The following CNTNAP2 variants were observed in gnomAD, a reference collection of about 807,000 sequenced individuals.
CNTNAP2 encodes contactin associated protein 2, also known as contactin-associated protein-like 2.
CNTNAP2 carries 98 observed loss-of-function variants against 155.2 expected under a neutral mutation model. The observed-to-expected ratio is 0.63, with a 90% confidence interval of 0.54 to 0.75. The LOEUF is 0.75. CNTNAP2 is among the 30% of genes least tolerant of loss of function. CNTNAP2 has a pLI of 0.00. For missense variants in CNTNAP2, 1,727 were observed against 1,688.1 expected (o/e 1.02, Z -0.40); for synonymous variants, 651 against 631.2 (o/e 1.03, Z -0.47).
intron 13 of CNTNAP2, among the ~76,000 whole-genome samples, chr7:147,876,040 C>T (rs56268129): frequency 6.6e-6 from 1 of 152,086 alleles, no homozygotes; most frequent in South Asian, 2.1e-4. Context: ...AAAATTATTC[C>T]ATTTATTTTA....
intron 19 of CNTNAP2, among the ~76,000 whole-genome samples, chr7:148,228,901 T>C (rs1795909307): frequency 6.6e-6 from 1 of 152,058 alleles, no homozygotes; most frequent in Non-Finnish European, 1.5e-5. Flanking sequence ...AATGTCACAC[T>C]TTGCTGACGG....
At chr7:147,336,153 A>G (rs181101505) in intron 9 of CNTNAP2, among the ~76,000 whole-genome samples, 2 of 152,312 alleles carry the variant, frequency 1.3e-5, no homozygotes, top group Admixed American at 1.3e-4. Context: ...CATATTTCAG[A>G]AGACAGATAT....
chr7:146,377,893 G>T lies in CNTNAP2; in HGVS notation c.97+260920G>T, dbSNP rs546052504. On this transcript the variant is annotated intron_variant, in intron 1 of 23. Transcript: ENST00000361727. ...CAAATTCTGATTCAATAGGCCCAAC[G>T]TGGGGCCTGAGATGCTGCACTTCAA... Among the ~76,000 whole-genome samples, 554 of 152,270 alleles carry T rather than the reference G, an allele frequency of 3.6e-3. 4 individuals are homozygous for T. Among genetic ancestry groups the T allele is most frequent in the Non-Finnish European group, 5.9e-3 (403 of 68,028 alleles).
chr7:147,132,512 C>T lies in CNTNAP2; in HGVS notation c.1348+3C>T. On this transcript the variant is annotated splice_donor_region_variant and intron_variant, in intron 8 of 23. Transcript: ENST00000361727. ...GAGCCAAATCGATATTTCCTCAGGT[C>T]AGTGAAACCTATTTGACATTTGTTC... 6.2e-7 allele frequency: 1 copy of T among 1,613,358 alleles called. No individual in the cohort carries two copies. The highest frequency in any genetic ancestry group is 1.3e-5 in the African/African-American group (1 of 74,970).
chr7:146,143,728 G>A (rs925333189), intron 1 of CNTNAP2, among the ~76,000 whole-genome samples: 1 of 151,850 alleles, frequency 6.6e-6, no homozygotes, highest in African/African-American at 2.4e-5. Flanking sequence ...TAAGTTTACA[G>A]TCTTCTTACT....
intron 3 of CNTNAP2, among the ~76,000 whole-genome samples, chr7:146,904,948 C>A (rs568028911): frequency 1.3e-5 from 2 of 152,258 alleles, no homozygotes; most frequent in East Asian, 3.9e-4. Flanking sequence ...TTTGTCCTTA[C>A]ACCTTACCAC....
intron 17 of CNTNAP2, among the ~76,000 whole-genome samples, chr7:148,158,650 A>T (rs1805452754): frequency 6.6e-6 from 1 of 152,204 alleles, no homozygotes; most frequent in East Asian, 1.9e-4. Flanking sequence ...CTTTACGGTG[A>T]ACATTCTGAA....
chr7:146,717,883 GTTAGCA>G (rs950346834), intron 1 of CNTNAP2, among the ~76,000 whole-genome samples: 2 of 151,346 alleles, frequency 1.3e-5, no homozygotes, highest in African/African-American at 2.4e-5. Flanking sequence ...GCACATTTGT[GTTAGCA>G]TTTTGTTCAA....
intron 3 of CNTNAP2, among the ~76,000 whole-genome samples, chr7:146,980,474 TC>T (rs1386677768): frequency 6.6e-6 from 1 of 152,178 alleles, no homozygotes; most frequent in African/African-American, 2.4e-5. Flanking sequence ...AGGTGTGGAA[TC>T]TGTTTTTGAG....
chr7:146,788,850 G>GT (rs1453637696), intron 2 of CNTNAP2, among the ~76,000 whole-genome samples: 2 of 151,816 alleles, frequency 1.3e-5, no homozygotes, highest in East Asian at 3.9e-4. Flanking sequence ...GTTTTGTTTT[G>GT]TTTTTTCGTC....
At chr7:146,649,115 T>C (rs7810281) in intron 1 of CNTNAP2, among the ~76,000 whole-genome samples, 71,302 of 151,900 alleles carry the variant, frequency 0.47, 17,571 homozygotes, top group South Asian at 0.58. Context: ...AATGAAAATT[T>C]GGTAGATGAA....
intron 1 of CNTNAP2, among the ~76,000 whole-genome samples, chr7:146,749,964 C>T (rs2129182362): frequency 6.6e-6 from 1 of 152,250 alleles, no homozygotes; most frequent in Non-Finnish European, 1.5e-5. Flanking sequence ...ACAGTTTCTT[C>T]ATGTTTAAAG....
intron 2 of CNTNAP2, among the ~76,000 whole-genome samples, chr7:146,796,609 C>T (rs572455430): frequency 9.9e-4 from 151 of 152,068 alleles, no homozygotes; most frequent in African/African-American, 3.4e-3. Flanking sequence ...AGTGATATAA[C>T]GGTATAGGGA....
At chr7:147,239,321 C>A (rs1803886694) in intron 8 of CNTNAP2, among the ~76,000 whole-genome samples, 1 of 151,744 alleles carries the variant, frequency 6.6e-6, no homozygotes, top group Admixed American at 6.6e-5. Context: ...GCCTGACCAA[C>A]ATGGTGAAAT....
In CNTNAP2 at chr7:147,559,641, G is replaced by C. The variant is rs555428667; in HGVS notation, c.1778-2497G>C. 5.3e-5 allele frequency among the ~76,000 whole-genome samples: 8 copies of C among 152,126 alleles called. No homozygotes were observed. In the South Asian group the frequency reaches 1.7e-3, roughly 32 times the overall value. On this transcript the variant is annotated intron_variant, in intron 11 of 23. Coordinates refer to ENST00000361727, the MANE Select transcript of CNTNAP2 (RefSeq NM_014141.6). ...TATTATAATGGAAAAGAAGGGGAAT[G>C]GTTTCAATGGCAGATTGGACAAAGG...
intron 1 of CNTNAP2, among the ~76,000 whole-genome samples, chr7:146,564,685 C>T (rs918216116): frequency 8.6e-5 from 13 of 151,248 alleles, no homozygotes; most frequent in African/African-American, 3.2e-4. Context: ...TTGAGGAACT[C>T]ATTTTTTGGC....
intron 17 of CNTNAP2, among the ~76,000 whole-genome samples, chr7:148,153,074 A>G (rs1805334729): frequency 6.9e-6 from 1 of 144,738 alleles, no homozygotes; most frequent in Non-Finnish European, 1.5e-5. Context: ...AATACCTCCC[A>G]TGGTTAGTTT....
intron 8 of CNTNAP2, among the ~76,000 whole-genome samples, chr7:147,144,564 G>GTA (rs1186257684): frequency 2.6e-5 from 4 of 152,094 alleles, no homozygotes; most frequent in Non-Finnish European, 5.9e-5. Flanking sequence ...AAAATCTACT[G>GTA]TATCCTATTT....
At chr7:148,153,713 G>A (rs749573297) in intron 17 of CNTNAP2, among the ~76,000 whole-genome samples, 3 of 152,202 alleles carry the variant, frequency 2.0e-5, no homozygotes, top group Non-Finnish European at 4.4e-5. Flanking sequence ...GGAGTTTGGA[G>A]CCCTGACAGC....
Sources: gnomAD v4.1 joint callset for allele counts (sites outside exome capture counted in the v4.1 genomes callset) on GRCh38, gnomAD v4.1.1 for gene constraint, MANE v1.5 for transcripts, NCBI Gene and HGNC (gene_info 2026-07-23, HGNC 2026-07-21) for gene names.